ME3: variants seen among roughly 807,000 people sequenced by gnomAD.
ME3 encodes malic enzyme 3, also known as NADP-dependent malic enzyme, mitochondrial.
A neutral mutation model predicts 68.9 loss-of-function variants in ME3; 48 were observed. The ratio of observed to expected loss-of-function variants is 0.70; its 90% CI spans 0.55 to 0.89. The LOEUF is 0.89. Among genes scored for constraint, ME3 ranks in the 40% least tolerant of loss-of-function variants. ME3 has a pLI of 0.00. For missense variants in ME3, 675 were observed against 797.4 expected, an observed-to-expected ratio of 0.85 and a Z score of 1.85; for synonymous variants, 320 against 318.8, an observed-to-expected ratio of 1.00 and a Z score of -0.04.
At chr11:86,491,837 C>A (rs576366002) in intron 6 of ME3, among the ~76,000 whole-genome samples, 5 of 152,300 alleles carry the variant, frequency 3.3e-5, no homozygotes, top group Admixed American at 2.6e-4. Context: ...AAGTGTGACC[C>A]ATGTATTACA....
chr11:86,642,997 T>C (rs1249562779), intron 2 of ME3, among the ~76,000 whole-genome samples: 1 of 152,088 alleles, frequency 6.6e-6, no homozygotes, highest in Non-Finnish European at 1.5e-5. Flanking sequence ...TCTATTAGTT[T>C]TTTTTGACAT....
intron 2 of ME3, among the ~76,000 whole-genome samples, chr11:86,560,746 G>GTATATATATATATATATATA (rs1456434091): frequency 1.9e-4 from 17 of 90,246 alleles, no homozygotes; most frequent in African/African-American, 7.7e-4. Flanking sequence ...GTGTGTGTGT[G>GTATATATATATATATATATA]TGTATATATA....
At chr11:86,469,894 C>A (rs1273024286) in intron 7 of ME3, among the ~76,000 whole-genome samples, 1 of 151,480 alleles carries the variant, frequency 6.6e-6, no homozygotes, top group African/African-American at 2.4e-5. Context: ...GGGAAGCCAG[C>A]AAACAGTGAC....
chr11:86,472,875 A>T (rs993305482), intron 7 of ME3, among the ~76,000 whole-genome samples: 2 of 152,232 alleles, frequency 1.3e-5, no homozygotes, highest in African/African-American at 4.8e-5. Context: ...TCCTTTACTC[A>T]TCAAGGTTGG....
At chr11:86,454,199 C>T (rs1384790654) in intron 8 of ME3, among the ~76,000 whole-genome samples, 1 of 152,138 alleles carries the variant, frequency 6.6e-6, no homozygotes, top group Non-Finnish European at 1.5e-5. Flanking sequence ...GTAAAATGTT[C>T]CAATATACTT....
At chr11:86,648,732 G>C (rs953562216) in intron 2 of ME3, among the ~76,000 whole-genome samples, 1 of 152,064 alleles carries the variant, frequency 6.6e-6, no homozygotes, top group African/African-American at 2.4e-5. Context: ...AGAAAATCTA[G>C]AAAAATGTGA....
At chr11:86,562,503 C>A (rs1217132261) in intron 2 of ME3, among the ~76,000 whole-genome samples, 1 of 152,248 alleles carries the variant, frequency 6.6e-6, no homozygotes, top group African/African-American at 2.4e-5. Context: ...TGCATCCCTG[C>A]TAGAAGTGAA....
chr11:86,664,540 G>A (rs564738507), intron 2 of ME3, among the ~76,000 whole-genome samples: 66 of 152,194 alleles, frequency 4.3e-4, no homozygotes, highest in Non-Finnish European at 7.8e-4. Context: ...CTTGTGTTCC[G>A]GGCACCCCAT....
chr11:86,557,342 G>A (rs1413919867), intron 3 of ME3, among the ~76,000 whole-genome samples: 1 of 151,998 alleles, frequency 6.6e-6, no homozygotes, highest in Non-Finnish European at 1.5e-5. Context: ...TCCTAAGAAT[G>A]CAAAAACCTC....
chr11:86,613,490 A>G (rs1942740933), intron 2 of ME3, among the ~76,000 whole-genome samples: 1 of 152,200 alleles, frequency 6.6e-6, no homozygotes. Flanking sequence ...AAGAGAAAGA[A>G]ATAAAGCATA....
chr11:86,542,116 A>T (rs1956084202), intron 4 of ME3, among the ~76,000 whole-genome samples: 1 of 152,232 alleles, frequency 6.6e-6, no homozygotes, highest in South Asian at 2.1e-4. Flanking sequence ...CAACATCAAC[A>T]AAAAGGACGT....
At chr11:86,613,027 G>GT (rs1029991849) in intron 2 of ME3, among the ~76,000 whole-genome samples, 30 of 152,194 alleles carry the variant, frequency 2.0e-4, no homozygotes, top group African/African-American at 7.0e-4. Flanking sequence ...TTCTTCTAGG[G>GT]TTTTTATGGT....
At chr11:86,585,809 T>A (rs142792181) in intron 2 of ME3, among the ~76,000 whole-genome samples, 5 of 152,140 alleles carry the variant, frequency 3.3e-5, no homozygotes, top group Non-Finnish European at 5.9e-5. Flanking sequence ...AAGCTCCAGC[T>A]TTTTAAGGCT....
At chr11:86,578,536 C>T (rs890030059) in intron 2 of ME3, among the ~76,000 whole-genome samples, 1 of 152,200 alleles carries the variant, frequency 6.6e-6, no homozygotes, top group Non-Finnish European at 1.5e-5. Context: ...GCTCATCTGA[C>T]AGGGCAAGTG....
intron 2 of ME3, among the ~76,000 whole-genome samples, chr11:86,616,170 C>T (rs150603413): frequency 3.9e-5 from 6 of 152,204 alleles, no homozygotes; most frequent in East Asian, 3.9e-4. Context: ...TGTAATACAC[C>T]GTGATAAGGG....
intron 2 of ME3, among the ~76,000 whole-genome samples, chr11:86,621,048 A>T (rs1451854591): frequency 6.6e-6 from 1 of 152,196 alleles, no homozygotes; most frequent in Non-Finnish European, 1.5e-5. Context: ...GGGACAAATG[A>T]TGTCGAGGGA....
At chr11:86,624,815 C>T in intron 2 of ME3, among the ~76,000 whole-genome samples, 1 of 152,194 alleles carries the variant, frequency 6.6e-6, no homozygotes, top group East Asian at 1.9e-4. Flanking sequence ...GCTCTAAGGA[C>T]CAGATCACAG....
chr11:86,520,770 A>G (rs1954214140), intron 4 of ME3, among the ~76,000 whole-genome samples: 1 of 152,248 alleles, frequency 6.6e-6, no homozygotes. Context: ...GGATTTCTGC[A>G]TAGATGGTCT....
chr11:86,645,233 G>A (rs901603189), intron 2 of ME3, among the ~76,000 whole-genome samples: 2 of 152,140 alleles, frequency 1.3e-5, no homozygotes, highest in African/African-American at 4.8e-5. Flanking sequence ...CCCCTGGAAA[G>A]GGGGCTGAAG....
Sources: allele counts gnomAD v4.1 joint callset (sites outside exome capture counted in the v4.1 genomes callset), GRCh38; gene constraint gnomAD v4.1.1; transcripts MANE v1.5; gene names NCBI Gene and HGNC (gene_info 2026-07-23, HGNC 2026-07-21).